ZFPM2: variants seen among roughly 807,000 people sequenced by gnomAD.
ZFPM2 encodes the protein zinc finger protein, FOG family member 2, also known as zinc finger protein ZFPM2.
Under a neutral mutation model 98.6 loss-of-function variants are expected in ZFPM2, and 20 were observed. The ratio of observed to expected loss-of-function variants is 0.20; its 90% confidence interval spans 0.14 to 0.29. ZFPM2 has a LOEUF of 0.29. ZFPM2 is among the 10% of genes least tolerant of loss of function. The pLI is 1.00. For synonymous variants in ZFPM2, 518 were observed against 502.7 expected (o/e 1.03, Z -0.41); for missense variants, 1,310 against 1,388.6 (o/e 0.94, Z 0.90).
chr8:105,384,635 G>T (rs1275482048), intron 1 of ZFPM2, among the ~76,000 whole-genome samples: 1 of 151,942 alleles, frequency 6.6e-6, no homozygotes, highest in African/African-American at 2.4e-5. Flanking sequence ...AGTTAGTTGG[G>T]AACAAACATT....
At chr8:105,358,379 T>C (rs1212383495) in intron 1 of ZFPM2, 1 of 152,166 alleles carries the variant, frequency 6.6e-6, no homozygotes, top group Non-Finnish European at 1.5e-5. Flanking sequence ...CAACTTTTGC[T>C]AGGATTCTTT....
chr8:105,425,150 G>A (rs1031930128), intron 2 of ZFPM2, among the ~76,000 whole-genome samples: 37 of 151,926 alleles, frequency 2.4e-4, no homozygotes, highest in Admixed American at 2.4e-3. Flanking sequence ...TGCTGCTCTT[G>A]GAATCTGTTG....
At position 105,750,894 on chromosome 8, in the gene ZFPM2, T is replaced by A. The variant is rs1362404152; in HGVS notation, c.533-37824T>A. The stretch of plus-strand genomic sequence containing the variant: ...AGACAGGCTTACCCTGGAGCAAAGC[T>A]AAAGAGAGTTTTCGTCACCCAGGAT... On this transcript the variant is annotated intron_variant, in intron 5 of 7. Transcript: ENST00000407775. 2.0e-5 allele frequency among the ~76,000 whole-genome samples: 3 copies of A among 152,054 alleles called. No individual in the cohort carries two copies. In the East Asian group the frequency reaches 5.8e-4, roughly 29 times the overall value.
In ZFPM2 at chr8:105,479,695, G is replaced by C. The variant is rs1052151305; in HGVS notation, c.301+35314G>C. On this transcript the variant is annotated intron_variant, in intron 3 of 7. Transcript: ENST00000407775. Reference sequence around the variant, plus strand: ...AGCTCATTGGCTTGTTACTGGAAGTGAAAGAATGTTTATTATTTCAGGAAG... The same window carrying C: ...AGCTCATTGGCTTGTTACTGGAAGTCAAAGAATGTTTATTATTTCAGGAAG... 9.9e-5 allele frequency among the ~76,000 whole-genome samples: 15 copies of C among 152,266 alleles called. No homozygotes were observed. The South Asian group carries it at 1.7e-3, about 17-fold the overall frequency.
rs1319458291 is a variant in ZFPM2 at position 105,586,728 on chromosome 8, CT to C, written c.420+25253del. On this transcript the variant is annotated intron_variant, in intron 4 of 7. Coordinates refer to ENST00000407775, the MANE Select transcript of ZFPM2 (RefSeq NM_012082.4). ...GAGCCACCATGCCTGATGTTGGATC[CT>C]TTTTTACTGAGATTGATCCAATATC... Among the ~76,000 whole-genome samples, 10 of 151,604 alleles carry C rather than the reference CT, an allele frequency of 6.6e-5. No individual in the cohort carries two copies. The East Asian group carries it at 2.0e-3, about 30-fold the overall frequency.
intron 1 of ZFPM2, among the ~76,000 whole-genome samples, chr8:105,378,194 A>G (rs1810768206): frequency 6.6e-6 from 1 of 152,204 alleles, no homozygotes; most frequent in Non-Finnish European, 1.5e-5. Flanking sequence ...GCAGAAGACT[A>G]AGTAAAACAA....
chr8:105,578,030 G>C (rs1209994920), intron 4 of ZFPM2, among the ~76,000 whole-genome samples: 1 of 152,064 alleles, frequency 6.6e-6, no homozygotes, highest in East Asian at 1.9e-4. Context: ...TTAAGAAATA[G>C]AGTTCTTTGG....
chr8:105,564,522 A>G (rs908676054), intron 4 of ZFPM2, among the ~76,000 whole-genome samples: 3 of 152,106 alleles, frequency 2.0e-5, no homozygotes, highest in African/African-American at 4.8e-5. Flanking sequence ...AAATTGGTTA[A>G]CATATATGTC....
At chr8:105,522,694 C>T (rs1400126563) in intron 3 of ZFPM2, among the ~76,000 whole-genome samples, 1 of 152,012 alleles carries the variant, frequency 6.6e-6, no homozygotes, top group Admixed American at 6.6e-5. Context: ...TCGCTTGAAC[C>T]CGGGAGGTGG....
intron 1 of ZFPM2, among the ~76,000 whole-genome samples, chr8:105,407,624 C>A (rs748142956): frequency 1.1e-4 from 16 of 151,924 alleles, no homozygotes; most frequent in Admixed American, 2.0e-4. Context: ...CTGGAATTAT[C>A]TTGAGGAAAG....
chr8:105,580,009 G>A (rs1188615784), intron 4 of ZFPM2, among the ~76,000 whole-genome samples: 1 of 152,080 alleles, frequency 6.6e-6, no homozygotes, highest in Non-Finnish European at 1.5e-5. Context: ...TCTTCATCTG[G>A]TGTTACACAC....
intron 4 of ZFPM2, among the ~76,000 whole-genome samples, chr8:105,575,679 A>C (rs1586473536): frequency 6.6e-6 from 1 of 152,126 alleles, no homozygotes; most frequent in Admixed American, 6.5e-5. Flanking sequence ...ACAGAAAAAG[A>C]AAAAAAATAT....
At chr8:105,407,056 G>T (rs1811475174) in intron 1 of ZFPM2, among the ~76,000 whole-genome samples, 1 of 151,526 alleles carries the variant, frequency 6.6e-6, no homozygotes, top group South Asian at 2.1e-4. Context: ...CTATCAGAAA[G>T]CATAGGGCCA....
rs979681839 is a variant in ZFPM2, at chr8:105,718,229, C to G, written c.533-70489C>G. Reference sequence around the variant, plus strand: ...CTGGTGGCAGTTGCTCACTCTGGCTCTTATATCAAATGGGGATGATTCTGG... The same window carrying G: ...CTGGTGGCAGTTGCTCACTCTGGCTGTTATATCAAATGGGGATGATTCTGG... On this transcript the variant is annotated intron_variant, in intron 5 of 7. Coordinates refer to ENST00000407775, the MANE Select transcript of ZFPM2 (RefSeq NM_012082.4). Among the ~76,000 whole-genome samples the G allele has an allele frequency of 2.0e-4, 31 of 151,942 alleles. 1 individual carries two copies. The Middle Eastern group carries it at 0.01, about 50-fold the overall frequency.
intron 5 of ZFPM2, among the ~76,000 whole-genome samples, chr8:105,635,748 T>C (rs1368008020): frequency 6.6e-6 from 1 of 152,246 alleles, no homozygotes; most frequent in East Asian, 1.9e-4. Flanking sequence ...CAATATTTTA[T>C]CTTCATTGTA....
chr8:105,471,281 A>G (rs541785938), intron 3 of ZFPM2, among the ~76,000 whole-genome samples: 138 of 152,220 alleles, frequency 9.1e-4, no homozygotes, highest in Non-Finnish European at 1.1e-3. Context: ...TGCTTACTAG[A>G]TTTGGGGCCA....
intron 6 of ZFPM2, among the ~76,000 whole-genome samples, chr8:105,789,534 G>A (rs1337721655): frequency 6.6e-6 from 1 of 152,056 alleles, no homozygotes; most frequent in Non-Finnish European, 1.5e-5. Context: ...GAATAGTGCT[G>A]CAATAAACAT....
chr8:105,571,757 G>C (rs889963562), intron 4 of ZFPM2, among the ~76,000 whole-genome samples: 1 of 152,030 alleles, frequency 6.6e-6, no homozygotes, highest in Non-Finnish European at 1.5e-5. Context: ...CCTTCAGTTT[G>C]GTCTTAAAAA....
At chr8:105,751,886 T>C (rs1159663390) in intron 5 of ZFPM2, among the ~76,000 whole-genome samples, 3 of 152,090 alleles carry the variant, frequency 2.0e-5, no homozygotes, top group Non-Finnish European at 4.4e-5. Flanking sequence ...TGGTTTGCCT[T>C]AATGATCAGT....
Sources: gnomAD v4.1 joint callset for allele counts (sites outside exome capture counted in the v4.1 genomes callset) on GRCh38, gnomAD v4.1.1 for gene constraint, MANE v1.5 for transcripts, NCBI Gene and HGNC (gene_info 2026-07-23, HGNC 2026-07-21) for gene names.